SOS2: variants seen among roughly 807,000 people sequenced by gnomAD.
SOS2 encodes SOS Ras/Rho guanine nucleotide exchange factor 2, also known as son of sevenless homolog 2.
Under a neutral mutation model 148.2 loss-of-function variants are expected in SOS2, and 65 were observed. The ratio of observed to expected loss-of-function variants is 0.44; its 90% CI spans 0.36 to 0.54. The LOEUF (loss-of-function observed/expected upper bound fraction) is 0.54. Ranked by LOEUF, SOS2 falls within the 20% of genes least tolerant of loss-of-function variation. The pLI is 0.00. For missense variants in SOS2, 1,341 were observed against 1,590.2 expected, an observed-to-expected ratio of 0.84 and a Z score of 2.67; for synonymous variants, 539 against 537.1, an observed-to-expected ratio of 1.00 and a Z score of -0.05.
At chr14:50,190,657 T>C (rs1886099831) in intron 4 of SOS2, among the ~76,000 whole-genome samples, 1 of 152,236 alleles carries the variant, frequency 6.6e-6, no homozygotes, top group South Asian at 2.1e-4. Flanking sequence ...AAAATGATAC[T>C]GGATTTCATT....
chr14:50,211,717 CA>C (rs1446168746), intron 1 of SOS2, among the ~76,000 whole-genome samples: 1 of 152,072 alleles, frequency 6.6e-6, no homozygotes, highest in Non-Finnish European at 1.5e-5. Flanking sequence ...CTTGTCCTCC[CA>C]AAGTGCTGGG....
intron 7 of SOS2, 22 bp from the exon 8 acceptor site, chr14:50,174,574 C>T (rs749751886): frequency 8.4e-6 from 12 of 1,435,328 alleles, no homozygotes; most frequent in Middle Eastern, 1.8e-4. Flanking sequence ...AAAGATATCA[C>T]AGTATGTATG....
At chr14:50,181,593 T>C (rs1189531199) in intron 6 of SOS2, among the ~76,000 whole-genome samples, 3 of 151,962 alleles carry the variant, frequency 2.0e-5, no homozygotes, top group Admixed American at 6.6e-5. Context: ...CCATATAACA[T>C]CACATTATTT....
chr14:50,164,631 CA>C lies in SOS2; in HGVS notation c.1069-3023del, dbSNP rs201104460. ...GGGTGATAAGGCGAGATTCTGTCTC[CA>C]AAAAAAAAAAAGAAAGAAAAAGAAA... On this transcript the variant is annotated intron_variant, in intron 8 of 22. Transcript: ENST00000216373. Among the ~76,000 whole-genome samples, 217 of 127,516 alleles carry C rather than the reference CA, an allele frequency of 1.7e-3. 1 individual carries two copies. The highest frequency in any genetic ancestry group is 1.7e-3 in the Admixed American group (21 of 12,422). The allele number at this position is 127,516 out of a possible 152,430, so 83.7% of individuals were successfully genotyped here. A position where few individuals can be genotyped will look rare whatever the true frequency, so the allele number is the denominator to read the frequency against.
chr14:50,215,437 A>G (rs1400702764), intron 1 of SOS2: 1 of 1,276,036 alleles, frequency 7.8e-7, no homozygotes, highest in Non-Finnish European at 1.0e-6. Flanking sequence ...ACACTTCTAC[A>G]GAGACAGTAA....
At chr14:50,213,762 T>C (rs1383768719) in intron 1 of SOS2, among the ~76,000 whole-genome samples, 4 of 151,606 alleles carry the variant, frequency 2.6e-5, no homozygotes, top group Admixed American at 6.6e-5. Flanking sequence ...AGATATAACT[T>C]TGAAGTGGGG....
At chr14:50,178,671 CATATATATATATATATATATATATAT>C (rs1170021476) in intron 7 of SOS2, among the ~76,000 whole-genome samples, 6 of 14,454 alleles carry the variant, frequency 4.2e-4, no homozygotes, top group Non-Finnish European at 5.1e-4. Flanking sequence ...TGTGTGTGTG[CATATATATATATATATATATATATAT>C]ATATATATAT....
intron 4 of SOS2, among the ~76,000 whole-genome samples, chr14:50,198,382 GT>G (rs1390492758): frequency 6.6e-6 from 1 of 151,026 alleles, no homozygotes; most frequent in East Asian, 1.9e-4. Flanking sequence ...CCATAATTTT[GT>G]AAGTCAAAAT....
At chr14:50,187,004 A>C (rs1300679807) in intron 5 of SOS2, among the ~76,000 whole-genome samples, 1 of 152,206 alleles carries the variant, frequency 6.6e-6, no homozygotes, top group African/African-American at 2.4e-5. Flanking sequence ...AAGATAAATA[A>C]GACAAAGGCT....
Position 50,118,231 on chromosome 14 carries a change from T to C in SOS2, c.*113A>G, listed in dbSNP as rs1883357441. The C allele has an allele frequency of 3.4e-6, 3 of 888,322 alleles. No homozygotes were observed. The highest frequency in any genetic ancestry group is 5.1e-6 in the Non-Finnish European group (3 of 587,446). The allele number at this position is 888,322 out of a possible 1,614,324, so 55.0% of individuals were successfully genotyped here. A position where few individuals can be genotyped will look rare whatever the true frequency, so the allele number is the denominator to read the frequency against. On this transcript the variant is annotated 3_prime_UTR_variant, in exon 23 of 23. Coordinates refer to ENST00000216373, the MANE Select transcript of SOS2 (RefSeq NM_006939.4). ...AAAGCTTATTTGATCAGTAGCATTT[T>C]TGTAAGAGCATTATTTGTAAAAAGT...
At chr14:50,140,556 A>G (rs1884236213) in intron 16 of SOS2, among the ~76,000 whole-genome samples, 1 of 152,220 alleles carries the variant, frequency 6.6e-6, no homozygotes, top group Non-Finnish European at 1.5e-5. Context: ...TTTACTTCAG[A>G]AAGAATATAC....
chr14:50,141,904 A>G (rs1884302871), intron 16 of SOS2, among the ~76,000 whole-genome samples: 2 of 152,222 alleles, frequency 1.3e-5, no homozygotes. Context: ...TGGCACTGGC[A>G]CAAGAGTGAT....
chr14:50,194,995 T>G (rs922782397), intron 4 of SOS2, among the ~76,000 whole-genome samples: 5 of 152,008 alleles, frequency 3.3e-5, no homozygotes, highest in Admixed American at 2.6e-4. Context: ...AAATGCTGAA[T>G]GACAGAATTC....
chr14:50,145,295 C>T lies in SOS2; in HGVS notation c.2542G>A (p.Ala848Thr), dbSNP rs1365550921. Residue 848 changes from alanine (A) to threonine (T), a missense_variant, in exon 16 of 23, where the codon GCA (alanine) becomes ACA (threonine). Ala to Thr is a moderately conservative substitution (Grantham distance 58, BLOSUM62 0). Transcript: ENST00000216373. ...VEAENFEERVAVLSRIIEILQ... is the reference protein window; with the variant it reads ...VEAENFEERVTVLSRIIEILQ... Reference sequence around the variant, plus strand: ...ATTTCTATAATTCTACTTAGTACTGCCACCCGTTCTTCAAAATTTTCTGCT... The same window carrying T: ...ATTTCTATAATTCTACTTAGTACTGTCACCCGTTCTTCAAAATTTTCTGCT... 1 of 1,602,678 alleles carries T rather than the reference C, an allele frequency of 6.2e-7. No homozygotes were observed. The highest frequency in any genetic ancestry group is 8.5e-7 in the Non-Finnish European group (1 of 1,177,024).
chr14:50,225,778 T>C (rs901311309), intron 1 of SOS2, among the ~76,000 whole-genome samples: 1 of 152,184 alleles, frequency 6.6e-6, no homozygotes, highest in Non-Finnish European at 1.5e-5. Flanking sequence ...CAAAAAGCAA[T>C]TCTGATCAAG....
intron 7 of SOS2, among the ~76,000 whole-genome samples, chr14:50,178,876 G>T (rs1284234422): frequency 6.6e-6 from 1 of 151,890 alleles, no homozygotes; most frequent in African/African-American, 2.4e-5. Flanking sequence ...TGGGATTACA[G>T]GTGCATGCCA....
chr14:50,214,094 G>A (rs980671143), intron 1 of SOS2, among the ~76,000 whole-genome samples: 1 of 110,680 alleles, frequency 9.0e-6, no homozygotes, highest in Non-Finnish European at 2.2e-5. Context: ...GTTTAAGGGG[G>A]AAGTAATGCT....
At chr14:50,167,485 T>G (rs572260005) in intron 8 of SOS2, among the ~76,000 whole-genome samples, 2 of 152,044 alleles carry the variant, frequency 1.3e-5, no homozygotes, top group East Asian at 3.9e-4. Context: ...CAGTAAGCCA[T>G]GAATGGGCCA....
Position 50,118,389 on chromosome 14 carries a change from T to TGG in SOS2, c.3952_3953dup (p.Leu1319HisfsTer8), listed in dbSNP as rs1566814337. On this transcript the variant is annotated frameshift_variant, in exon 23 of 23. Transcript: ENST00000216373. LOFTEE classifies it high-confidence loss of function. ...TTTCTAGCAAAGGCAGTCTGTACAATGGGGGGTGCGAAAGCTCCCGTTTGT... is the reference window on the plus strand; with the variant it reads ...TTTCTAGCAAAGGCAGTCTGTACAATGGGGGGGGTGCGAAAGCTCCCGTTTGT... The TGG allele has an allele frequency of 6.2e-7, 1 of 1,613,918 alleles. No homozygotes were observed. The highest frequency in any genetic ancestry group is 1.3e-5 in the African/African-American group (1 of 74,892).
Sources: allele counts gnomAD v4.1 joint callset (sites outside exome capture counted in the v4.1 genomes callset), GRCh38; gene constraint gnomAD v4.1.1; transcripts MANE v1.5; gene names NCBI Gene and HGNC (gene_info 2026-07-23, HGNC 2026-07-21).